TRAPPC13: variants seen among roughly 807,000 people sequenced by gnomAD.
The protein encoded by TRAPPC13 is REV7-interacting novel NHEJ regulator 1.
TRAPPC13 carries 39 observed loss-of-function variants against 54.0 expected under a neutral mutation model. The ratio of observed to expected loss-of-function variants is 0.72; its 90% confidence interval spans 0.56 to 0.94. The LOEUF (loss-of-function observed/expected upper bound fraction) is 0.94. TRAPPC13 is among the 40% of genes least tolerant of loss of function. The pLI is 0.00. For synonymous variants in TRAPPC13, 148 were observed against 167.7 expected, an observed-to-expected ratio of 0.88 and a Z score of 0.91; for missense variants, 386 against 488.1, an observed-to-expected ratio of 0.79 and a Z score of 1.97.
intron 1 of TRAPPC13, chr5:65,634,907 C>CA: frequency 3.8e-6 from 3 of 799,500 alleles, no homozygotes; most frequent in Non-Finnish European, 4.4e-6. Flanking sequence ...AAAAAAAAAA[C>CA]AAAAAACACT....
chr5:65,647,020 T>C (rs1351781395), intron 4 of TRAPPC13, 35 bp from the exon 5 acceptor site: 2 of 1,515,274 alleles, frequency 1.3e-6, no homozygotes, highest in Admixed American at 2.3e-5. Flanking sequence ...CCAGTCTCAT[T>C]TGGACTTTTT....
chr5:65,630,444 G>A, intron 1 of TRAPPC13: 1 of 1,390,882 alleles, frequency 7.2e-7, no homozygotes, highest in Non-Finnish European at 9.2e-7. Flanking sequence ...TGACTTTTTA[G>A]AATTCCTAGG....
At chr5:65,627,487 A>C (rs1248100357) in intron 1 of TRAPPC13, among the ~76,000 whole-genome samples, 1 of 152,098 alleles carries the variant, frequency 6.6e-6, no homozygotes, top group Non-Finnish European at 1.5e-5. Flanking sequence ...AAAATTAGCC[A>C]GGCGTGATGG....
rs1331555753 is a variant in TRAPPC13 at position 65,666,127 on chromosome 5, A to G, written c.*1516A>G. ...ATTAAATGATGAAATAATATTTTAT[A>G]GCCACTGCATTGGATACTTGGATTG... is the stretch of plus-strand genomic sequence containing the variant. On this transcript the variant is annotated 3_prime_UTR_variant, in exon 13 of 13. Transcript: ENST00000399438. 1 of 152,614 alleles carries G rather than the reference A, an allele frequency of 6.6e-6. No individual in the cohort carries two copies. The highest frequency in any genetic ancestry group is 2.4e-5 in the African/African-American group (1 of 41,468). The allele number at this position is 152,614 out of a possible 1,614,324, so 9.5% of individuals were successfully genotyped here. A position where few individuals can be genotyped will look rare whatever the true frequency, so the allele number is the denominator to read the frequency against.
At chr5:65,639,317 C>T (rs1755879507) in intron 4 of TRAPPC13, among the ~76,000 whole-genome samples, 1 of 151,764 alleles carries the variant, frequency 6.6e-6, no homozygotes, top group African/African-American at 2.4e-5. Context: ...TTTTATTTAA[C>T]CTTTTTTGAA....
Position 65,664,519 on chromosome 5 carries a change from A to G in TRAPPC13, c.1162A>G (p.Arg388Gly). ...CTCTCAATAGAGCATCTCTGGCTTA[A>G]GACTAACAGACACATTCTTAAAGAG... is the stretch of plus-strand genomic sequence containing the variant. Reference protein sequence around the residue: ...VQGLQSISGLRLTDTFLKRTY... With the variant: ...VQGLQSISGLGLTDTFLKRTY... The change falls in exon 13 of 13, where the codon AGA becomes GGA. Residue 388 changes from arginine (R) to glycine (G), a missense_variant. Transcript: ENST00000399438. The G allele has an allele frequency of 6.2e-7, 1 of 1,610,668 alleles. No homozygotes were observed. The highest frequency in any genetic ancestry group is 8.5e-7 in the Non-Finnish European group (1 of 1,178,938).
chr5:65,651,880 T>TTTTTTTTTG (rs1756469083), intron 6 of TRAPPC13, among the ~76,000 whole-genome samples: 1 of 125,422 alleles, frequency 8.0e-6, no homozygotes, highest in Non-Finnish European at 1.7e-5. Flanking sequence ...TTTTTTTTTT[T>TTTTTTTTTG]GAGATGGCGT....
chr5:65,636,199 A>G (rs1211061042), intron 3 of TRAPPC13, among the ~76,000 whole-genome samples, 156 bp downstream of exon 3: 2 of 148,820 alleles, frequency 1.3e-5, no homozygotes, highest in African/African-American at 5.0e-5. Context: ...GCTGGAGTAC[A>G]GTGGTGCCAT....
intron 10 of TRAPPC13, chr5:65,661,151 T>TC (rs397718599): frequency 6.0e-5 from 19 of 318,582 alleles, no homozygotes; most frequent in Non-Finnish European, 9.7e-5. Context: ...AAATAACTGT[T>TC]ATTAAGTGTC....
chr5:65,625,307 C>A (rs1007082895), intron 1 of TRAPPC13: 5 of 584,092 alleles, frequency 8.6e-6, no homozygotes, highest in East Asian at 5.7e-5. Flanking sequence ...GAAATAGATA[C>A]CTGGTAAATC....
intron 1 of TRAPPC13, among the ~76,000 whole-genome samples, chr5:65,627,458 C>T (rs781132668): frequency 3.1e-4 from 47 of 151,966 alleles, no homozygotes; most frequent in South Asian, 8.3e-4. Context: ...TATGAAACCC[C>T]GTCTCTACTG....
chr5:65,637,625 T>A (rs1219635942), intron 3 of TRAPPC13, 71 bp from the exon 4 acceptor site: 5 of 813,808 alleles, frequency 6.1e-6, no homozygotes, highest in Non-Finnish European at 5.6e-6. Flanking sequence ...AGCGAGACTC[T>A]GTCTCAAAAA....
chr5:65,663,661 TAA>T (rs1259252741), intron 11 of TRAPPC13: 1 of 152,228 alleles, frequency 6.6e-6, no homozygotes, highest in Non-Finnish European at 1.5e-5. Context: ...ATACTTTCAT[TAA>T]AAGTTTTTTT....
At chr5:65,656,376 G>A (rs1044175900) in intron 8 of TRAPPC13, among the ~76,000 whole-genome samples, 1 of 140,490 alleles carries the variant, frequency 7.1e-6, no homozygotes, top group African/African-American at 2.5e-5. Flanking sequence ...TGGGTCTGTG[G>A]TTATTTTTTT....
At chr5:65,650,958 CT>C in intron 6 of TRAPPC13, 76 bp downstream of exon 6, 1 of 1,084,548 alleles carries the variant, frequency 9.2e-7, no homozygotes, top group Non-Finnish European at 1.4e-6. Flanking sequence ...TCCCGTTTAT[CT>C]GCAGGGAAAA....
chr5:65,662,330 GGGCCTATTGTATTAT>G lies in TRAPPC13; in HGVS notation c.998+182_998+196del. ...TAGCAGTATAATTACATATTTTTAAGGGCCTATTGTATTATGCATCTTCTGTATTTTATTTCATTC... is the reference window on the plus strand; with the variant it reads ...TAGCAGTATAATTACATATTTTTAAGGCATCTTCTGTATTTTATTTCATTC... On this transcript the variant is annotated intron_variant, in intron 11 of 12. Transcript: ENST00000399438. 6.3e-6 allele frequency: 3 copies of G among 477,186 alleles called. No homozygotes were observed. In the East Asian group the frequency reaches 1.1e-4, roughly 17 times the overall value. The allele number at this position is 477,186 out of a possible 1,614,324, so 29.6% of individuals were successfully genotyped here. A position where few individuals can be genotyped will look rare whatever the true frequency, so the allele number is the denominator to read the frequency against.
At chr5:65,655,900 C>G (rs900899079) in intron 8 of TRAPPC13, among the ~76,000 whole-genome samples, 2 of 143,876 alleles carry the variant, frequency 1.4e-5, no homozygotes, top group Non-Finnish European at 3.1e-5. Flanking sequence ...TTCAGTGTTT[C>G]TTCTTTAGAT....
intron 7 of TRAPPC13, 68 bp from the exon 8 acceptor site, chr5:65,655,568 A>C: frequency 1.9e-6 from 1 of 528,158 alleles, no homozygotes; most frequent in Non-Finnish European, 2.9e-6. Flanking sequence ...TTTTATTTTA[A>C]AGTAATTCTT....
chr5:65,656,239 A>G (rs1449511928), intron 8 of TRAPPC13, among the ~76,000 whole-genome samples: 61 of 152,368 alleles, frequency 4.0e-4, no homozygotes, highest in Non-Finnish European at 2.9e-5. Flanking sequence ...AATTTTTAAA[A>G]TATCAAATTG....
Sources: allele counts gnomAD v4.1 joint callset (sites outside exome capture counted in the v4.1 genomes callset), GRCh38; gene constraint gnomAD v4.1.1; transcripts MANE v1.5; gene names NCBI Gene and HGNC (gene_info 2026-07-23, HGNC 2026-07-21).